PLEKHG4B: variants seen among roughly 807,000 people sequenced by gnomAD.
PLEKHG4B encodes pleckstrin homology and RhoGEF domain containing G4B, also known as pleckstrin homology domain-containing family G member 4B.
A neutral mutation model predicts 121.3 loss-of-function variants in PLEKHG4B; 111 were observed. The ratio of observed to expected loss-of-function variants is 0.92; its 90% CI spans 0.78 to 1.07. The LOEUF (loss-of-function observed/expected upper bound fraction) is 1.07, where lower values mean the gene tolerates loss of function less well. Ranked by LOEUF, PLEKHG4B falls within the 50% of genes least tolerant of loss-of-function variation. The pLI is 0.00. For synonymous variants in PLEKHG4B, 738 were observed against 725.0 expected (o/e 1.02, Z -0.29); for missense variants, 1,831 against 1,757.8 (o/e 1.04, Z -0.74).
intron 2 of PLEKHG4B, among the ~76,000 whole-genome samples, chr5:114,699 C>T (rs1734257127): frequency 6.6e-6 from 1 of 152,150 alleles, no homozygotes; most frequent in African/African-American, 2.4e-5. Context: ...TCAGGTGATC[C>T]ACCCGCCCCA....
intron 7 of PLEKHG4B, among the ~76,000 whole-genome samples, chr5:153,982 C>T (rs954755886): frequency 1.3e-5 from 2 of 151,244 alleles, no homozygotes; most frequent in Admixed American, 6.6e-5. Context: ...TCAGCCACCA[C>T]ACCGGCCAGA....
intron 2 of PLEKHG4B, among the ~76,000 whole-genome samples, chr5:118,692 C>T (rs1734376901): frequency 6.6e-6 from 1 of 152,074 alleles, no homozygotes; most frequent in African/African-American, 2.4e-5. Flanking sequence ...AATGGTGAAT[C>T]CTTTCCAGAG....
At chr5:96,499 A>G (rs1276695077) in intron 1 of PLEKHG4B, among the ~76,000 whole-genome samples, 2 of 152,264 alleles carry the variant, frequency 1.3e-5, no homozygotes, top group African/African-American at 4.8e-5. Flanking sequence ...GTAATATTTT[A>G]AAGAAGTGTT....
intron 2 of PLEKHG4B, among the ~76,000 whole-genome samples, chr5:114,696 A>G (rs1734257026): frequency 6.6e-6 from 1 of 152,118 alleles, no homozygotes; most frequent in Non-Finnish European, 1.5e-5. Flanking sequence ...ACCTCAGGTG[A>G]TCCACCCGCC....
chr5:127,273 TC>T lies in PLEKHG4B; in HGVS notation c.244-12209del, dbSNP rs77535211. Reference sequence around the variant, plus strand: ...TAAAAGGAAACGTTACTACAGACTTTCTTTCCCTCACTATCTGCCTAATTTC... The same window carrying T: ...TAAAAGGAAACGTTACTACAGACTTTTTTCCCTCACTATCTGCCTAATTTC... On this transcript the variant is annotated intron_variant, in intron 2 of 19. Coordinates refer to ENST00000637938, the MANE Select transcript of PLEKHG4B (RefSeq NM_052909.5). Among the ~76,000 whole-genome samples, 184 of 151,830 alleles carry T rather than the reference TC, an allele frequency of 1.2e-3. 2 individuals are homozygous for T. The highest frequency in any genetic ancestry group is 0.01 in the East Asian group (54 of 5,184).
intron 13 of PLEKHG4B, among the ~76,000 whole-genome samples, chr5:164,318 C>T (rs1167753124): frequency 3.3e-5 from 5 of 152,228 alleles, no homozygotes; most frequent in Admixed American, 2.0e-4. Flanking sequence ...AAACCTAGAT[C>T]CCTCACATGT....
chr5:104,182 G>A (rs1050224170), intron 1 of PLEKHG4B, among the ~76,000 whole-genome samples: 16 of 135,840 alleles, frequency 1.2e-4, no homozygotes, highest in African/African-American at 3.8e-4. Context: ...TCCCAGCACC[G>A]ATTCCTAAAC....
chr5:142,025 C>T (rs573998007), intron 3 of PLEKHG4B, among the ~76,000 whole-genome samples: 1 of 152,342 alleles, frequency 6.6e-6, no homozygotes, highest in East Asian at 1.9e-4. Context: ...AGCCTTTCGC[C>T]TTCAAAGTTA....
At chr5:168,146 G>C (rs1030164515) in intron 13 of PLEKHG4B, among the ~76,000 whole-genome samples, 2 of 152,176 alleles carry the variant, frequency 1.3e-5, no homozygotes, top group African/African-American at 4.8e-5. Context: ...TGTGTGTGTT[G>C]TCAGGAAGGG....
chr5:109,470 A>ACCC (rs200949219), intron 1 of PLEKHG4B, among the ~76,000 whole-genome samples: 59 of 148,570 alleles, frequency 4.0e-4, no homozygotes, highest in African/African-American at 1.5e-3. Flanking sequence ...TACCTCCCAT[A>ACCC]CCCACCCCCA....
intron 11 of PLEKHG4B, among the ~76,000 whole-genome samples, chr5:161,399 C>T (rs1411880456): frequency 6.6e-6 from 1 of 152,244 alleles, no homozygotes; most frequent in East Asian, 1.9e-4. Flanking sequence ...GAGCTTGAGC[C>T]TCAGAGGCCC....
chr5:101,606 T>G (rs571464935), intron 1 of PLEKHG4B, among the ~76,000 whole-genome samples: 4 of 129,914 alleles, frequency 3.1e-5, no homozygotes, highest in Non-Finnish European at 4.7e-5. Flanking sequence ...TATAAAGCCC[T>G]GGGAAAAGTC....
chr5:170,374 C>T (rs11740188), intron 14 of PLEKHG4B, among the ~76,000 whole-genome samples: 15,518 of 152,064 alleles, frequency 0.1, 957 homozygotes, highest in Non-Finnish European at 0.12. Flanking sequence ...ACAATCACAG[C>T]TCACAGCAGA....
chr5:129,510 C>T (rs1734714545), intron 2 of PLEKHG4B, among the ~76,000 whole-genome samples: 1 of 152,166 alleles, frequency 6.6e-6, no homozygotes, highest in African/African-American at 2.4e-5. Context: ...CTTCAGTCTC[C>T]CTAAAATGTA....
chr5:152,260 G>C (rs560629544), intron 7 of PLEKHG4B, among the ~76,000 whole-genome samples: 66 of 151,348 alleles, frequency 4.4e-4, no homozygotes, highest in Admixed American at 9.9e-4. Flanking sequence ...ACCCAGGTTG[G>C]AGTGTGGTTG....
Position 113,150 on chromosome 5 carries a change from A to G in PLEKHG4B, c.46-101A>G, listed in dbSNP as rs897050822. ...CTCACATCATGCCAGACACAGGACA[A>G]GGGACTTCCGTGTGGATCCTTCAGT... is the stretch of plus-strand genomic sequence containing the variant. On this transcript the variant is annotated intron_variant, in intron 1 of 19. Transcript: ENST00000637938. This position sits in a 1 kb window ranked among gnomAD's most constrained non-coding sequence, Gnocchi z 5.2. 1.0e-5 allele frequency: 4 copies of G among 398,106 alleles called. No homozygotes were observed. The highest frequency in any genetic ancestry group is 6.2e-5 in the African/African-American group (3 of 48,648). The allele number at this position is 398,106 out of a possible 1,614,324, so 24.7% of individuals were successfully genotyped here. A position where few individuals can be genotyped will look rare whatever the true frequency, so the allele number is the denominator to read the frequency against.
At chr5:130,618 G>C (rs1054234582) in intron 2 of PLEKHG4B, among the ~76,000 whole-genome samples, 1 of 152,202 alleles carries the variant, frequency 6.6e-6, no homozygotes, top group African/African-American at 2.4e-5. Context: ...TATAAAGCGG[G>C]ACTCTGCTTA....
In PLEKHG4B at chr5:159,060, G is replaced by T. The variant is rs781105442; in HGVS notation, c.2487+2149G>T. On this transcript the variant is annotated intron_variant, in intron 11 of 19. Coordinates refer to ENST00000637938, the MANE Select transcript of PLEKHG4B (RefSeq NM_052909.5). The surrounding 1 kb of genome is among the most constrained non-coding windows in gnomAD (Gnocchi z 5.5). ...GCTTCCATCCCACTCCCAGCCTTCT[G>T]CCTGTGCCCTGCTTCTCGGTGGAAG... is the stretch of plus-strand genomic sequence containing the variant. Among the ~76,000 whole-genome samples, 1 of 151,924 alleles carries T rather than the reference G, an allele frequency of 6.6e-6. No individual in the cohort carries two copies. Among genetic ancestry groups the T allele is most frequent in the African/African-American group, 2.4e-5 (1 of 41,328 alleles).
In PLEKHG4B at chr5:156,773, G is replaced by A; in HGVS notation, c.2349G>A (p.Arg783=). ...CTGAGGACTGCCTTCTCTTCCTCAG[G>A]GACACCCTGGAGGCCGCCACAAGCC... is the stretch of plus-strand genomic sequence containing the variant. The part of the protein sequence containing the change: ...RREELGTEDS[R]DTLEAATSLY... The change falls in exon 11 of 20, where the codon CGG becomes CGA. Residue 783 remains arginine, a splice_region_variant and synonymous_variant. Coordinates refer to ENST00000637938, the MANE Select transcript of PLEKHG4B (RefSeq NM_052909.5). The surrounding 1 kb of genome is among the most constrained non-coding windows in gnomAD (Gnocchi z 4.4). 6.4e-7 allele frequency: 1 copy of A among 1,551,246 alleles called. No individual in the cohort carries two copies. The highest frequency in any genetic ancestry group is 8.7e-7 in the Non-Finnish European group (1 of 1,146,962).
Sources: allele counts gnomAD v4.1 joint callset (sites outside exome capture counted in the v4.1 genomes callset), GRCh38; gene constraint gnomAD v4.1.1; non-coding constraint Gnocchi (gnomAD v3.1); transcripts MANE v1.5; gene names NCBI Gene and HGNC (gene_info 2026-07-23, HGNC 2026-07-21).